Variants in RAB3GAP1 observed in about 807,000 individuals in gnomAD.
RAB3GAP1 encodes RAB3 GTPase activating protein catalytic subunit 1.
In RAB3GAP1, 86 loss-of-function variants were observed where a neutral mutation model predicts 130.7. That is an observed-to-expected ratio of 0.66 (90% confidence interval 0.55 to 0.79). The LOEUF is 0.79. Among genes scored for constraint, RAB3GAP1 ranks in the 30% least tolerant of loss-of-function variants. The pLI, the probability that RAB3GAP1 is intolerant of heterozygous loss-of-function variation, is 0.00. For synonymous variants in RAB3GAP1, 367 were observed against 401.7 expected, an observed-to-expected ratio of 0.91 and a Z score of 1.03; for missense variants, 1,029 against 1,169.4, an observed-to-expected ratio of 0.88 and a Z score of 1.75.
intron 17 of RAB3GAP1, among the ~76,000 whole-genome samples, chr2:135,149,718 A>G (rs1416028057): frequency 2.6e-5 from 4 of 152,122 alleles, no homozygotes; most frequent in Non-Finnish European, 5.9e-5. Context: ...CAGTGGCTCG[A>G]TCTCGGCTTG....
intron 3 of RAB3GAP1, among the ~76,000 whole-genome samples, chr2:135,072,258 A>G (rs537717856): frequency 6.6e-6 from 1 of 152,342 alleles, no homozygotes; most frequent in African/African-American, 2.4e-5. Context: ...GAGGGGGAGC[A>G]TGTTAAGACA....
At chr2:135,137,223 T>G (rs977260121) in intron 17 of RAB3GAP1, 5 of 423,484 alleles carry the variant, frequency 1.2e-5, no homozygotes, top group African/African-American at 1.0e-4. Flanking sequence ...GCTTTTTGTT[T>G]TAAAGGCTTT....
chr2:135,158,510 G>A (rs920371920), intron 19 of RAB3GAP1, among the ~76,000 whole-genome samples: 6 of 152,146 alleles, frequency 3.9e-5, no homozygotes, highest in African/African-American at 1.4e-4. Context: ...GGAATTCTTG[G>A]AACCATATTG....
chr2:135,159,675 G>A (rs548258402), intron 19 of RAB3GAP1, among the ~76,000 whole-genome samples: 8 of 152,288 alleles, frequency 5.3e-5, no homozygotes, highest in Admixed American at 2.6e-4. Flanking sequence ...TAAGGAAACC[G>A]CGTACATACA....
chr2:135,172,428 C>T (rs1692879695), downstream of RAB3GAP1, among the ~76,000 whole-genome samples: 1 of 144,740 alleles, frequency 6.9e-6, no homozygotes, highest in Non-Finnish European at 1.5e-5. Context: ...GAGTGAGACT[C>T]TGTCTCAAAA....
chr2:135,144,316 C>G (rs910223822), intron 17 of RAB3GAP1, among the ~76,000 whole-genome samples: 1 of 151,088 alleles, frequency 6.6e-6, no homozygotes, highest in East Asian at 1.9e-4. Context: ...TGGTCTCCCA[C>G]CTGAAGTCGG....
downstream of RAB3GAP1, among the ~76,000 whole-genome samples, chr2:135,171,425 T>A (rs1189936205): frequency 6.6e-6 from 1 of 152,144 alleles, no homozygotes; most frequent in Non-Finnish European, 1.5e-5. Flanking sequence ...CTAAACTGTC[T>A]GCTCCTTAGA....
At chr2:135,156,600 C>T (rs1394091149) in intron 19 of RAB3GAP1, among the ~76,000 whole-genome samples, 1 of 152,124 alleles carries the variant, frequency 6.6e-6, no homozygotes, top group Non-Finnish European at 1.5e-5. Flanking sequence ...TAACTTAAAA[C>T]TCTTGGGAAA....
At chr2:135,095,558 C>T (rs536271342) in intron 5 of RAB3GAP1, among the ~76,000 whole-genome samples, 3 of 152,126 alleles carry the variant, frequency 2.0e-5, no homozygotes, top group Admixed American at 6.5e-5. Flanking sequence ...AATCAAAACT[C>T]ACTGTGTCTA....
intron 4 of RAB3GAP1, 32 bp downstream of exon 4, chr2:135,091,162 C>T (rs1690132078): frequency 1.3e-6 from 2 of 1,523,258 alleles, no homozygotes; most frequent in Non-Finnish European, 1.8e-6. Context: ...ATATTAACTT[C>T]TGATTTGTAG....
intron 12 of RAB3GAP1, 86 bp from the exon 13 acceptor site, chr2:135,130,466 T>A: frequency 8.8e-7 from 1 of 1,131,904 alleles, no homozygotes; most frequent in Non-Finnish European, 1.3e-6. Context: ...ATGAGTAAAA[T>A]ATTCTATATA....
intron 19 of RAB3GAP1, among the ~76,000 whole-genome samples, chr2:135,154,312 T>C (rs1356715771): frequency 4.6e-5 from 7 of 152,180 alleles, no homozygotes; most frequent in Non-Finnish European, 1.0e-4. Context: ...GTATATCCAT[T>C]AGTGGCCAGC....
chr2:135,158,857 T>C (rs1250343974), intron 19 of RAB3GAP1, among the ~76,000 whole-genome samples: 1 of 152,184 alleles, frequency 6.6e-6, no homozygotes, highest in Non-Finnish European at 1.5e-5. Flanking sequence ...CAACACCACT[T>C]AACATGCCAT....
intron 8 of RAB3GAP1, chr2:135,123,961 A>G: frequency 3.5e-6 from 2 of 568,744 alleles, no homozygotes; most frequent in South Asian, 4.2e-5. Context: ...TAAATAGGAA[A>G]TAAGTGTGCC....
In RAB3GAP1 at chr2:135,124,211, C is replaced by A; in HGVS notation, c.795C>A (p.Gly265=). Residue 265 remains glycine, a synonymous_variant, in exon 9 of 24, where the codon GGC becomes GGA. Transcript: ENST00000264158. ...VGGEVGGLEF[G]KLPFGACEDP... Reference sequence around the variant, plus strand: ...GAGAAGTTGGAGGCTTGGAGTTTGGCAAGTTACCATTTGGTGCCTGCGAAG... The same window carrying A: ...GAGAAGTTGGAGGCTTGGAGTTTGGAAAGTTACCATTTGGTGCCTGCGAAG... 1 of 1,614,154 alleles carries A rather than the reference C, an allele frequency of 6.2e-7. No individual in the cohort carries two copies. The highest frequency in any genetic ancestry group is 8.5e-7 in the Non-Finnish European group (1 of 1,179,996).
chr2:135,131,762 G>A (rs1186985648), intron 13 of RAB3GAP1, among the ~76,000 whole-genome samples: 2 of 152,176 alleles, frequency 1.3e-5, no homozygotes, highest in Non-Finnish European at 2.9e-5. Flanking sequence ...AAAACCTTGC[G>A]AGATTGTTGT....
At chr2:135,066,069 C>T (rs116114791) in intron 3 of RAB3GAP1, among the ~76,000 whole-genome samples, 1,538 of 151,856 alleles carry the variant, frequency 0.01, 23 homozygotes, top group African/African-American at 0.035. Context: ...TACTGCACCC[C>T]GCCAGTAATT....
chr2:135,059,192 C>T (rs944109239), intron 3 of RAB3GAP1: 3 of 152,066 alleles, frequency 2.0e-5, no homozygotes, highest in Admixed American at 6.6e-5. Flanking sequence ...GAAAATGTGA[C>T]GCTTTCAAAC....
At chr2:135,086,607 G>A (rs1160830288) in intron 3 of RAB3GAP1, among the ~76,000 whole-genome samples, 74 of 147,204 alleles carry the variant, frequency 5.0e-4, no homozygotes. Flanking sequence ...CTGGTTGCAA[G>A]TGCTTTTTCA....
Sources: allele counts gnomAD v4.1 joint callset (sites outside exome capture counted in the v4.1 genomes callset), GRCh38; gene constraint gnomAD v4.1.1; transcripts MANE v1.5; gene names NCBI Gene and HGNC (gene_info 2026-07-23, HGNC 2026-07-21).